GSK3B: variants seen among roughly 807,000 people sequenced by gnomAD.
The protein encoded by GSK3B is glycogen synthase kinase 3 beta, also known as glycogen synthase kinase-3 beta.
Under a neutral mutation model 56.4 loss-of-function variants are expected in GSK3B, and 15 were observed. That is an observed-to-expected ratio of 0.27 (90% CI 0.18 to 0.41). The LOEUF is 0.41. GSK3B is among the 10% of genes least tolerant of loss of function. The pLI is 1.00. For synonymous variants in GSK3B, 181 were observed against 188.9 expected, an observed-to-expected ratio of 0.96 and a Z score of 0.34; for missense variants, 300 against 513.4, an observed-to-expected ratio of 0.58 and a Z score of 4.02.
At chr3:119,919,042 A>T (rs917377783) in intron 4 of GSK3B, among the ~76,000 whole-genome samples, 4 of 151,764 alleles carry the variant, frequency 2.6e-5, no homozygotes, top group African/African-American at 7.3e-5. Flanking sequence ...ATTTTCAATT[A>T]AAAAAAAATT....
intron 10 of GSK3B, among the ~76,000 whole-genome samples, chr3:119,830,291 T>C (rs1476667923): frequency 6.6e-6 from 1 of 152,230 alleles, no homozygotes; most frequent in Non-Finnish European, 1.5e-5. Context: ...ACCACCTTTT[T>C]AGAAATAACT....
chr3:119,910,335 A>T (rs2056723204), intron 6 of GSK3B, among the ~76,000 whole-genome samples: 1 of 152,194 alleles, frequency 6.6e-6, no homozygotes, highest in Non-Finnish European at 1.5e-5. Context: ...ACAATAAGAC[A>T]CAATAAAGCA....
chr3:119,999,572 T>C (rs955248035), intron 2 of GSK3B, among the ~76,000 whole-genome samples: 1 of 152,190 alleles, frequency 6.6e-6, no homozygotes, highest in South Asian at 2.1e-4. Flanking sequence ...TGTGTGGGTA[T>C]TTAGGAGACA....
intron 1 of GSK3B, chr3:120,029,181 C>T: frequency 1.5e-6 from 1 of 683,170 alleles, no homozygotes; most frequent in South Asian, 1.6e-5. Context: ...AAAAAAGAGA[C>T]TTCAGAAAGG....
intron 2 of GSK3B, among the ~76,000 whole-genome samples, chr3:119,959,716 C>T (rs2057252146): frequency 6.6e-6 from 1 of 151,706 alleles, no homozygotes; most frequent in African/African-American, 2.4e-5. Context: ...GGGGTTTCAC[C>T]ATGTTGGCCA....
intron 8 of GSK3B, among the ~76,000 whole-genome samples, chr3:119,869,229 A>AAAAAAG (rs1321233517): frequency 1.3e-5 from 2 of 149,404 alleles, no homozygotes; most frequent in Admixed American, 6.6e-5. Context: ...ATCTCAAAAA[A>AAAAAAG]AAAAAAAAAA....
intron 7 of GSK3B, among the ~76,000 whole-genome samples, chr3:119,884,658 A>AT (rs2056414854): frequency 6.7e-6 from 1 of 150,084 alleles, no homozygotes; most frequent in Non-Finnish European, 1.5e-5. Flanking sequence ...TTTTTACAAA[A>AT]TAACATTTAA....
chr3:120,048,085 C>A (rs941762241), intron 1 of GSK3B, among the ~76,000 whole-genome samples: 2 of 152,124 alleles, frequency 1.3e-5, no homozygotes, highest in Admixed American at 6.5e-5. Flanking sequence ...TATGTAAATA[C>A]AATTACAATG....
chr3:119,841,549 G>A (rs2108009841), intron 10 of GSK3B, among the ~76,000 whole-genome samples: 1 of 152,158 alleles, frequency 6.6e-6, no homozygotes, highest in African/African-American at 2.4e-5. Flanking sequence ...ATTCTAAACA[G>A]GTCATACTTT....
At chr3:119,911,462 T>A (rs1016133973) in intron 6 of GSK3B, among the ~76,000 whole-genome samples, 1 of 152,132 alleles carries the variant, frequency 6.6e-6, no homozygotes, top group East Asian at 1.9e-4. Flanking sequence ...CCAGCTACAT[T>A]AGGCCCTCAC....
intron 10 of GSK3B, among the ~76,000 whole-genome samples, chr3:119,834,914 G>A (rs1577303639): frequency 6.6e-6 from 1 of 152,196 alleles, no homozygotes; most frequent in Non-Finnish European, 1.5e-5. Context: ...TGAGAATAAT[G>A]ACTAAGCTGG....
At chr3:120,080,710 A>C (rs2058411924) in intron 1 of GSK3B, among the ~76,000 whole-genome samples, 1 of 152,034 alleles carries the variant, frequency 6.6e-6, no homozygotes, top group Non-Finnish European at 1.5e-5. Flanking sequence ...GGATACCTAT[A>C]ATCCCAGCTA....
intron 10 of GSK3B, among the ~76,000 whole-genome samples, chr3:119,831,485 G>A (rs913916198): frequency 6.6e-6 from 1 of 151,996 alleles, no homozygotes; most frequent in Admixed American, 6.6e-5. Flanking sequence ...GTGAAACCCT[G>A]ACTCTACTAA....
At chr3:119,961,420 G>C (rs2057270242) in intron 2 of GSK3B, among the ~76,000 whole-genome samples, 1 of 152,064 alleles carries the variant, frequency 6.6e-6, no homozygotes, top group South Asian at 2.1e-4. Flanking sequence ...TTAAGGCCAG[G>C]AGTTCAAGAC....
intron 1 of GSK3B, among the ~76,000 whole-genome samples, chr3:120,002,446 C>A (rs1349278149): frequency 6.6e-6 from 1 of 151,778 alleles, no homozygotes; most frequent in Non-Finnish European, 1.5e-5. Context: ...TCAATCAATT[C>A]TCCTGCCTCA....
chr3:119,916,514 A>G (rs922457052), intron 4 of GSK3B, among the ~76,000 whole-genome samples: 10 of 152,328 alleles, frequency 6.6e-5, no homozygotes, highest in East Asian at 1.9e-4. Context: ...ACAAATGAAA[A>G]GCTCAGAGAG....
At chr3:119,996,207 C>T (rs2057616071) in intron 2 of GSK3B, among the ~76,000 whole-genome samples, 2 of 152,334 alleles carry the variant, frequency 1.3e-5, no homozygotes, top group East Asian at 1.9e-4. Flanking sequence ...CCACACAATC[C>T]TAGCATAGGC....
At chr3:119,957,427 T>C (rs1374320014) in intron 2 of GSK3B, among the ~76,000 whole-genome samples, 3 of 152,226 alleles carry the variant, frequency 2.0e-5, no homozygotes, top group Non-Finnish European at 4.4e-5. Context: ...AACGGACTTT[T>C]ATATCCTGAC....
chr3:120,087,259 G>A (rs2058470388), intron 1 of GSK3B, among the ~76,000 whole-genome samples: 1 of 152,158 alleles, frequency 6.6e-6, no homozygotes. Context: ...TCGGCCACAT[G>A]TGGTGGTTCA....
Sources: gnomAD v4.1 joint callset for allele counts (sites outside exome capture counted in the v4.1 genomes callset) on GRCh38, gnomAD v4.1.1 for gene constraint, MANE v1.5 for transcripts, NCBI Gene and HGNC (gene_info 2026-07-23, HGNC 2026-07-21) for gene names.